EVX2: variants seen among roughly 807,000 people sequenced by gnomAD.
EVX2 encodes even-skipped homeobox 2, also known as homeobox even-skipped homolog protein 2.
A neutral mutation model predicts 19.2 loss-of-function variants in EVX2; 10 were observed. The ratio of observed to expected loss-of-function variants is 0.52; its 90% CI spans 0.32 to 0.89. The LOEUF (loss-of-function observed/expected upper bound fraction) is 0.89, where lower values mean the gene tolerates loss of function less well. EVX2 is among the 40% of genes least tolerant of loss of function. EVX2 has a pLI of 0.03. For missense variants in EVX2, 710 were observed against 694.9 expected, an observed-to-expected ratio of 1.02 and a Z score of -0.24; for synonymous variants, 354 against 328.4, an observed-to-expected ratio of 1.08 and a Z score of -0.84.
Position 176,083,246 on chromosome 2 carries a change from T to G in EVX2, c.427+104A>C. On this transcript the variant is annotated intron_variant, in intron 1 of 2. Coordinates refer to ENST00000308618, the MANE Select transcript of EVX2 (RefSeq NM_001080458.2). The surrounding 1 kb of genome is among the most constrained non-coding windows in gnomAD (Gnocchi z 4.4). ...CCGTGCTAGCTCGGTGTAGCTTGCC[T>G]GTGGAGGGTCTGAGAGGGGAAAAGG... 1 of 1,214,942 alleles carries G rather than the reference T, an allele frequency of 8.2e-7. No homozygotes were observed. The highest frequency in any genetic ancestry group is 1.1e-6 in the Non-Finnish European group (1 of 873,898). The allele number at this position is 1,214,942 out of a possible 1,614,324, so 75.3% of individuals were successfully genotyped here.
rs556614056 is a variant in EVX2 at position 176,081,208 on chromosome 2, G to A, written c.700-370C>T. On this transcript the variant is annotated intron_variant, in intron 2 of 2. Coordinates refer to ENST00000308618, the MANE Select transcript of EVX2 (RefSeq NM_001080458.2). The surrounding 1 kb of genome is among the most constrained non-coding windows in gnomAD (Gnocchi z 5.9). ...GTCTCTCAATCCCAGGATTTGTACG[G>A]GGATTCTGGGCAGCCTTTGAAGAGA... 1.1e-3 allele frequency among the ~76,000 whole-genome samples: 161 copies of A among 152,288 alleles called. No homozygotes were observed. The highest frequency in any genetic ancestry group is 3.7e-3 in the African/African-American group (155 of 41,568).
Position 176,080,966 on chromosome 2 carries a change from C to A in EVX2, c.700-128G>T. ...TACTTCTCTCCGACCAAGCCCAACC[C>A]CGAGTACCCTGTGGTCTCCCAGCTG... is the stretch of plus-strand genomic sequence containing the variant. On this transcript the variant is annotated intron_variant, in intron 2 of 2. Transcript: ENST00000308618. This position sits in a 1 kb window ranked among gnomAD's most constrained non-coding sequence, Gnocchi z 7.0. 8.2e-7 allele frequency: 1 copy of A among 1,218,660 alleles called. No homozygotes were observed. Among genetic ancestry groups the A allele is most frequent in the Non-Finnish European group, 1.1e-6 (1 of 903,094 alleles). 75.5% of individuals were successfully genotyped at this position (1,218,660 alleles called of 1,614,324 possible). A position where few individuals can be genotyped will look rare whatever the true frequency, so the allele number is the denominator to read the frequency against.
rs745590834 is a variant in EVX2, at chr2:176,080,877, G to A, written c.700-39C>T. On this transcript the variant is annotated intron_variant, in intron 2 of 2. Transcript: ENST00000308618. This position sits in a 1 kb window ranked among gnomAD's most constrained non-coding sequence, Gnocchi z 7.0. ...CGCGCCGCAGCCTGGGTTAGGGAGC[G>A]CCCCGTGTTCCCAGCTCCTGTCCCA... 1 of 1,579,624 alleles carries A rather than the reference G, an allele frequency of 6.3e-7. No homozygotes were observed. The highest frequency in any genetic ancestry group is 2.2e-5 in the East Asian group (1 of 44,470).
rs929211986 is a variant in EVX2 at position 176,081,521 on chromosome 2, G to A, written c.699+657C>T. Among the ~76,000 whole-genome samples, 3 of 152,122 alleles carry A rather than the reference G, an allele frequency of 2.0e-5. No homozygotes were observed. The highest frequency in any genetic ancestry group is 4.4e-5 in the Non-Finnish European group (3 of 68,034). On this transcript the variant is annotated intron_variant, in intron 2 of 2. Transcript: ENST00000308618. This position sits in a 1 kb window ranked among gnomAD's most constrained non-coding sequence, Gnocchi z 5.9. ...TTCCACACTCCTCCCCTACCCCGTG[G>A]AGATTTTTTCTTTTTTCTGCAGTGT...
In EVX2 at chr2:176,081,087, G is replaced by T. The variant is rs1214514424; in HGVS notation, c.700-249C>A. Reference sequence around the variant, plus strand: ...GCGTCCGGCTGCTGCTGCTCCTCAGGCTTTTATTCCCTTACTTCTTGCTGC... The same window carrying T: ...GCGTCCGGCTGCTGCTGCTCCTCAGTCTTTTATTCCCTTACTTCTTGCTGC... On this transcript the variant is annotated intron_variant, in intron 2 of 2. Transcript: ENST00000308618. This position sits in a 1 kb window ranked among gnomAD's most constrained non-coding sequence, Gnocchi z 5.9. Among the ~76,000 whole-genome samples, 9 of 152,152 alleles carry T rather than the reference G, an allele frequency of 5.9e-5. No individual in the cohort carries two copies. The highest frequency in any genetic ancestry group is 2.2e-4 in the African/African-American group (9 of 41,430).
At position 176,083,134 on chromosome 2, in the gene EVX2, T is replaced by A. The variant is rs1379688358; in HGVS notation, c.427+216A>T. On this transcript the variant is annotated intron_variant, in intron 1 of 2. Coordinates refer to ENST00000308618, the MANE Select transcript of EVX2 (RefSeq NM_001080458.2). This position sits in a 1 kb window ranked among gnomAD's most constrained non-coding sequence, Gnocchi z 4.4. ...GGAGCGAGGGCGGGTGGGCCTGGTG[T>A]TCCAGGCTCCGCAGGCCTGAGCCTG... Among the ~76,000 whole-genome samples, 1 of 152,022 alleles carries A rather than the reference T, an allele frequency of 6.6e-6. No homozygotes were observed. Among genetic ancestry groups the A allele is most frequent in the Non-Finnish European group, 1.5e-5 (1 of 68,016 alleles).
chr2:176,083,959 TCC>T lies in EVX2; in HGVS notation c.-185_-184del. 1.7e-6 allele frequency: 1 copy of T among 596,116 alleles called. No individual in the cohort carries two copies. 36.9% of individuals were successfully genotyped at this position (596,116 alleles called of 1,614,324 possible). ...ATGACTGGTCAAAATGACCCATACA[TCC>T]TTCCGATCCCGAGATGTCATTCATC... On this transcript the variant is annotated 5_prime_UTR_variant, in exon 1 of 3. Transcript: ENST00000308618. The surrounding 1 kb of genome is among the most constrained non-coding windows in gnomAD (Gnocchi z 4.4).
In EVX2 at chr2:176,080,081, G is replaced by A; in HGVS notation, c.*26C>T. On this transcript the variant is annotated 3_prime_UTR_variant, in exon 3 of 3. Transcript: ENST00000308618. The surrounding 1 kb of genome is among the most constrained non-coding windows in gnomAD (Gnocchi z 7.0). Reference sequence around the variant, plus strand: ...CCCGGGCACACTCAGAGAGGCGGGCGCGGCCCCCTGGCGGTGGCGACGTAG... The same window carrying A: ...CCCGGGCACACTCAGAGAGGCGGGCACGGCCCCCTGGCGGTGGCGACGTAG... 1 of 1,481,706 alleles carries A rather than the reference G, an allele frequency of 6.7e-7. No homozygotes were observed. The allele number at this position is 1,481,706 out of a possible 1,614,324, so 91.8% of individuals were successfully genotyped here.
In EVX2 at chr2:176,080,823, G is replaced by A; in HGVS notation, c.715C>T (p.Arg239Trp). 6.2e-7 allele frequency: 1 copy of A among 1,611,782 alleles called. No individual in the cohort carries two copies. Residue 239 changes from arginine to tryptophan, a missense_variant, in exon 3 of 3, where the codon CGG (arginine) becomes TGG (tryptophan). Arg to Trp is a moderately radical substitution (Grantham distance 101). Coordinates refer to ENST00000308618, the MANE Select transcript of EVX2 (RefSeq NM_001080458.2). The surrounding 1 kb of genome is among the most constrained non-coding windows in gnomAD (Gnocchi z 7.0). Reference sequence around the variant, plus strand: ...CGCTGCCGCTTGTCCTTCATGCGCCGGTTCTGGAACCACACCTGCGGGGAG... The same window carrying A: ...CGCTGCCGCTTGTCCTTCATGCGCCAGTTCTGGAACCACACCTGCGGGGAG... ...ETTIKVWFQN[R>W]RMKDKRQRLA... is the part of the protein sequence containing the mutation.
rs1689125417 is a variant in EVX2 at position 176,080,440 on chromosome 2, T to G, written c.1098A>C (p.Ala366=). The part of the protein sequence containing the change: ...AASAAAAAAA[A]AAAASSAAAA... ...CCGCCGCCGAGGAGGCCGCAGCCGC[T>G]GCGGCTGCCGCGGCTGCCGCGGCAG... Residue 366 remains alanine (A), a synonymous_variant, in exon 3 of 3, where the codon GCA becomes GCC. Transcript: ENST00000308618. This position sits in a 1 kb window ranked among gnomAD's most constrained non-coding sequence, Gnocchi z 7.0. 3.5e-6 allele frequency: 4 copies of G among 1,137,814 alleles called. No individual in the cohort carries two copies. 70.5% of individuals were successfully genotyped at this position (1,137,814 alleles called of 1,614,324 possible).
Position 176,082,539 on chromosome 2 carries a change from GGAA to G in EVX2, c.428-93_428-91del. On this transcript the variant is annotated intron_variant, in intron 1 of 2. Transcript: ENST00000308618. This position sits in a 1 kb window ranked among gnomAD's most constrained non-coding sequence, Gnocchi z 5.2. ...CGCGCGGATCGGGGAAGCCCCGTCA[GGAA>G]GGAGAGTCGCTGCCGGAATTGATGG... The G allele has an allele frequency of 7.0e-7, 1 of 1,437,620 alleles. No individual in the cohort carries two copies. The allele number at this position is 1,437,620 out of a possible 1,614,324, so 89.1% of individuals were successfully genotyped here.
rs1326551058 is a variant in EVX2, at chr2:176,080,355, T to G, written c.1183A>C (p.Ser395Arg). The change falls in exon 3 of 3, where the codon AGT becomes CGT. Residue 395 changes from serine to arginine, a missense_variant. By Grantham distance (110) the Ser-to-Arg change is moderately radical. Coordinates refer to ENST00000308618, the MANE Select transcript of EVX2 (RefSeq NM_001080458.2). This position sits in a 1 kb window ranked among gnomAD's most constrained non-coding sequence, Gnocchi z 7.0. ...GCCGCGGCTGCCGCCGCCGACTGAC[T>G]GCTGTGGCAACTGAGGCACGAGCAG... ...APCSCLSCHS[S>R]QSAAAAAAAA... The G allele has an allele frequency of 8.1e-7, 1 of 1,239,586 alleles. No homozygotes were observed. The highest frequency in any genetic ancestry group is 1.0e-6 in the Non-Finnish European group (1 of 977,520). 76.8% of individuals were successfully genotyped at this position (1,239,586 alleles called of 1,614,324 possible). A position where few individuals can be genotyped will look rare whatever the true frequency, so the allele number is the denominator to read the frequency against.
chr2:176,082,535 G>T lies in EVX2; in HGVS notation c.428-86C>A, dbSNP rs923716357. 3.5e-6 allele frequency: 5 copies of T among 1,448,912 alleles called. No individual in the cohort carries two copies. Among genetic ancestry groups the T allele is most frequent in the African/African-American group, 2.9e-5 (2 of 67,982 alleles). The allele number at this position is 1,448,912 out of a possible 1,614,324, so 89.8% of individuals were successfully genotyped here. ...GCTGCGCGCGGATCGGGGAAGCCCC[G>T]TCAGGAAGGAGAGTCGCTGCCGGAA... On this transcript the variant is annotated intron_variant, in intron 1 of 2. Transcript: ENST00000308618. This position sits in a 1 kb window ranked among gnomAD's most constrained non-coding sequence, Gnocchi z 5.2.
At position 176,083,607 on chromosome 2, in the gene EVX2, G is replaced by A. The variant is rs751006473; in HGVS notation, c.170C>T (p.Pro57Leu). ...ARLSPRLPSA[P>L]LHSALGELPA... ...GAGTTCTCCCAGAGCGCTGTGCAGGGGGGCAGACGGCAGGCGCGGGCTTAG... is the reference window on the plus strand; with the variant it reads ...GAGTTCTCCCAGAGCGCTGTGCAGGAGGGCAGACGGCAGGCGCGGGCTTAG... Residue 57 changes from proline (P) to leucine (L), a missense_variant, in exon 1 of 3, where the codon CCC becomes CTC. By Grantham distance (98) the Pro-to-Leu change is moderately conservative (BLOSUM62 -3). Coordinates refer to ENST00000308618, the MANE Select transcript of EVX2 (RefSeq NM_001080458.2). The surrounding 1 kb of genome is among the most constrained non-coding windows in gnomAD (Gnocchi z 4.4). 7 of 1,614,094 alleles carry A rather than the reference G, an allele frequency of 4.3e-6. No homozygotes were observed. Among genetic ancestry groups the A allele is most frequent in the Non-Finnish European group, 5.1e-6 (6 of 1,180,048 alleles).
In EVX2 at chr2:176,080,871, G is replaced by C. The variant is rs778583823; in HGVS notation, c.700-33C>G. On this transcript the variant is annotated intron_variant, in intron 2 of 2. Coordinates refer to ENST00000308618, the MANE Select transcript of EVX2 (RefSeq NM_001080458.2). This position sits in a 1 kb window ranked among gnomAD's most constrained non-coding sequence, Gnocchi z 7.0. ...GAGAGACGCGCCGCAGCCTGGGTTA[G>C]GGAGCGCCCCGTGTTCCCAGCTCCT... is the stretch of plus-strand genomic sequence containing the variant. The C allele has an allele frequency of 1.7e-5, 27 of 1,587,060 alleles. No individual in the cohort carries two copies. The highest frequency in any genetic ancestry group is 1.3e-4 in the African/African-American group (10 of 74,358).
chr2:176,077,600 C>G lies in EVX2; in HGVS notation c.*2507G>C, dbSNP rs112503851. On this transcript the variant is annotated 3_prime_UTR_variant, in exon 3 of 3. Transcript: ENST00000308618. Reference sequence around the variant, plus strand: ...CATACATCCAGCAATATTTAAAGCACGAAGACTTTATTTACAATTTTATTT... The same window carrying G: ...CATACATCCAGCAATATTTAAAGCAGGAAGACTTTATTTACAATTTTATTT... 6.6e-6 allele frequency: 1 copy of G among 152,008 alleles called. No homozygotes were observed. The highest frequency in any genetic ancestry group is 2.4e-5 in the African/African-American group (1 of 41,390). 9.4% of individuals were successfully genotyped at this position (152,008 alleles called of 1,614,324 possible).
rs1202017601 is a variant in EVX2, at chr2:176,083,801, G to A, written c.-25C>T. 2.5e-6 allele frequency: 4 copies of A among 1,589,100 alleles called. No individual in the cohort carries two copies. The highest frequency in any genetic ancestry group is 3.4e-6 in the Non-Finnish European group (4 of 1,164,748). ...TCTCAGCTTTCTTAAAAATGTCACA[G>A]TGGCCCTGCTGTCCCGTCCTAATGA... On this transcript the variant is annotated 5_prime_UTR_variant, in exon 1 of 3. Transcript: ENST00000308618. This position sits in a 1 kb window ranked among gnomAD's most constrained non-coding sequence, Gnocchi z 4.4.
Position 176,083,830 on chromosome 2 carries a change from G to A in EVX2, c.-54C>T. On this transcript the variant is annotated 5_prime_UTR_variant, in exon 1 of 3. Transcript: ENST00000308618. The surrounding 1 kb of genome is among the most constrained non-coding windows in gnomAD (Gnocchi z 4.4). The stretch of plus-strand genomic sequence containing the variant: ...CCCTGCTGTCCCGTCCTAATGATAG[G>A]CTGCGCCTAGGGCTAATTCTCATTC... 1 of 1,452,664 alleles carries A rather than the reference G, an allele frequency of 6.9e-7. No individual in the cohort carries two copies. Among genetic ancestry groups the A allele is most frequent in the Non-Finnish European group, 9.5e-7 (1 of 1,055,992 alleles). 90.0% of individuals were successfully genotyped at this position (1,452,664 alleles called of 1,614,324 possible).
At position 176,080,257 on chromosome 2, in the gene EVX2, CCCGCCGCCGCCGCCACCA is replaced by C; in HGVS notation, c.1263_1280del (p.Gly423_Gly428del). 1 of 1,316,752 alleles carries C rather than the reference CCCGCCGCCGCCGCCACCA, an allele frequency of 7.6e-7. No individual in the cohort carries two copies. The highest frequency in any genetic ancestry group is 2.0e-5 in the South Asian group (1 of 51,134). The allele number at this position is 1,316,752 out of a possible 1,614,324, so 81.6% of individuals were successfully genotyped here. A position where few individuals can be genotyped will look rare whatever the true frequency, so the allele number is the denominator to read the frequency against. On this transcript the variant is annotated inframe_deletion, in exon 3 of 3. Coordinates refer to ENST00000308618, the MANE Select transcript of EVX2 (RefSeq NM_001080458.2). This position sits in a 1 kb window ranked among gnomAD's most constrained non-coding sequence, Gnocchi z 7.0. ...CCGAGCCTCCCCCGGCCCCGGCGCC[CCCGCCGCCGCCGCCACCA>C]CCACCACCGCCGCCGCCACCGCCAC... is the stretch of plus-strand genomic sequence containing the variant.
Sources: gnomAD v4.1 joint callset for allele counts (sites outside exome capture counted in the v4.1 genomes callset) on GRCh38, gnomAD v4.1.1 for gene constraint, Gnocchi (gnomAD v3.1) non-coding constraint, MANE v1.5 for transcripts, NCBI Gene and HGNC (gene_info 2026-07-23, HGNC 2026-07-21) for gene names.